Variants in GRID1 observed in about 807,000 individuals in gnomAD.
GRID1 encodes glutamate receptor ionotropic, delta-1.
A neutral mutation model predicts 98.0 loss-of-function variants in GRID1; 28 were observed. That is an observed-to-expected ratio of 0.29 (90% CI 0.21 to 0.39). The LOEUF is 0.39. Ranked by LOEUF, GRID1 falls within the 10% of genes least tolerant of loss-of-function variation. The pLI is 1.00. For synonymous variants in GRID1, 553 were observed against 538.5 expected, an observed-to-expected ratio of 1.03 and a Z score of -0.37; for missense variants, 1,111 against 1,340.5, an observed-to-expected ratio of 0.83 and a Z score of 2.67.
In GRID1 at chr10:86,357,329, G is replaced by A. The variant is rs73342277; in HGVS notation, c.235+6612C>T. On this transcript the variant is annotated intron_variant, in intron 2 of 15. Coordinates refer to ENST00000327946, the MANE Select transcript of GRID1 (RefSeq NM_017551.3). ...GGACAGTATCCCAGAGGAAGGGGCT[G>A]TCACAGGCCAGCCCAGGACTAGGAA... 1.0e-2 allele frequency among the ~76,000 whole-genome samples: 1,521 copies of A among 152,332 alleles called. 28 individuals are homozygous for A. The highest frequency in any genetic ancestry group is 0.035 in the African/African-American group (1,457 of 41,574).
At chr10:85,930,980 C>A (rs906884769) in intron 4 of GRID1, among the ~76,000 whole-genome samples, 7 of 152,140 alleles carry the variant, frequency 4.6e-5, no homozygotes, top group African/African-American at 1.7e-4. Context: ...GCTGAGATTA[C>A]AGGTGTATAA....
At chr10:86,044,579 C>T (rs1366286770) in intron 4 of GRID1, among the ~76,000 whole-genome samples, 1 of 152,166 alleles carries the variant, frequency 6.6e-6, no homozygotes, top group East Asian at 1.9e-4. Context: ...GACCTCACCT[C>T]CCCTAAAAAC....
At chr10:86,331,873 T>C (rs1459120566) in intron 2 of GRID1, among the ~76,000 whole-genome samples, 1 of 152,094 alleles carries the variant, frequency 6.6e-6, no homozygotes, top group African/African-American at 2.4e-5. Context: ...ATCCAGCCGC[T>C]GTCTCTGCCA....
At chr10:86,116,950 C>T (rs111930599) in intron 4 of GRID1, among the ~76,000 whole-genome samples, 7 of 152,200 alleles carry the variant, frequency 4.6e-5, no homozygotes, top group African/African-American at 1.7e-4. Flanking sequence ...TATACCACCA[C>T]CATCACTGCA....
chr10:86,342,807 G>A (rs541669052), intron 2 of GRID1, among the ~76,000 whole-genome samples: 8 of 152,348 alleles, frequency 5.3e-5, no homozygotes, highest in African/African-American at 1.7e-4. Context: ...GCCCCGGCCC[G>A]ACAGCCCATT....
chr10:86,206,429 A>T lies in GRID1; in HGVS notation c.455T>A (p.Val152Asp). Residue 152 changes from valine (V) to aspartate (D), a missense_variant, in exon 3 of 16, where the codon GTC becomes GAC. Val to Asp is a radical substitution (Grantham distance 152). Around this residue, in one of 3 missense-constraint regions of GRID1, gnomAD observed 346 missense variants for 452.3 expected, o/e 0.76. Transcript: ENST00000327946. The surrounding 1 kb of genome is among the most constrained non-coding windows in gnomAD (Gnocchi z 4.1). ...ASRPPVRLND[V>D]MLRLVTELRW... ...CAGCTCCGTCACCAGCCTGAGCATG[A>T]CATCATTGAGGCGGACGGGTGGTCT... The T allele has an allele frequency of 6.2e-7, 1 of 1,613,740 alleles. No homozygotes were observed. The highest frequency in any genetic ancestry group is 8.5e-7 in the Non-Finnish European group (1 of 1,179,658).
At chr10:86,189,204 C>T (rs1845767247) in intron 3 of GRID1, among the ~76,000 whole-genome samples, 1 of 152,168 alleles carries the variant, frequency 6.6e-6, no homozygotes, top group Admixed American at 6.5e-5. Context: ...GACTCACTGT[C>T]ATTCCTTTCA....
chr10:85,963,630 T>C (rs1322675458), intron 4 of GRID1, among the ~76,000 whole-genome samples: 1 of 152,244 alleles, frequency 6.6e-6, no homozygotes, highest in Non-Finnish European at 1.5e-5. Context: ...GGTTATTTCA[T>C]GTCCATATGT....
intron 13 of GRID1, among the ~76,000 whole-genome samples, chr10:85,635,728 G>A (rs1421333987): frequency 6.6e-6 from 1 of 152,188 alleles, no homozygotes; most frequent in Non-Finnish European, 1.5e-5. Context: ...GCTGCACTCT[G>A]GGATGCACTG....
intron 14 of GRID1, among the ~76,000 whole-genome samples, chr10:85,615,160 T>A (rs1590160016): frequency 6.6e-6 from 1 of 152,064 alleles, no homozygotes; most frequent in East Asian, 1.9e-4. Flanking sequence ...TTGTGTCTGG[T>A]GGAGACAAGA....
intron 4 of GRID1, among the ~76,000 whole-genome samples, chr10:85,921,019 G>A (rs1409479247): frequency 6.6e-6 from 1 of 152,238 alleles, no homozygotes; most frequent in African/African-American, 2.4e-5. Flanking sequence ...CCTGGCTCCT[G>A]TGGCCATGAT....
intron 5 of GRID1, among the ~76,000 whole-genome samples, chr10:85,907,091 C>G (rs1432377022): frequency 1.3e-5 from 2 of 152,150 alleles, no homozygotes; most frequent in Non-Finnish European, 2.9e-5. Context: ...TTATGAACTT[C>G]ATACCTATAA....
At chr10:86,273,371 A>C (rs1847215446) in intron 2 of GRID1, among the ~76,000 whole-genome samples, 1 of 126,938 alleles carries the variant, frequency 7.9e-6, no homozygotes, top group African/African-American at 2.6e-5. Context: ...TGCAATAAAC[A>C]TACGTCTGCA....
At chr10:85,925,232 G>A (rs905902116) in intron 4 of GRID1, among the ~76,000 whole-genome samples, 2 of 152,176 alleles carry the variant, frequency 1.3e-5, no homozygotes, top group Non-Finnish European at 2.9e-5. Flanking sequence ...GTTCTTACAG[G>A]CATTCAGGCT....
At chr10:85,947,415 C>T (rs545558024) in intron 4 of GRID1, among the ~76,000 whole-genome samples, 5 of 152,262 alleles carry the variant, frequency 3.3e-5, no homozygotes, top group African/African-American at 4.8e-5. Context: ...GGATAACTTT[C>T]GTATCTCAGA....
intron 4 of GRID1, among the ~76,000 whole-genome samples, chr10:86,107,838 C>G (rs186626183): frequency 6.6e-6 from 1 of 152,240 alleles, no homozygotes; most frequent in African/African-American, 2.4e-5. Flanking sequence ...AGAGGAGAAC[C>G]CAGGCTGCCA....
intron 8 of GRID1, among the ~76,000 whole-genome samples, chr10:85,770,387 C>G (rs930505288): frequency 1.1e-4 from 16 of 152,074 alleles, no homozygotes; most frequent in Non-Finnish European, 1.9e-4. Flanking sequence ...AAAAAAAGAG[C>G]AGAAAAACTG....
chr10:86,140,561 A>G (rs1844996567), intron 3 of GRID1, among the ~76,000 whole-genome samples: 1 of 152,226 alleles, frequency 6.6e-6, no homozygotes, highest in African/African-American at 2.4e-5. Context: ...ATGGGGAACC[A>G]AGCAGCGCGA....
intron 2 of GRID1, among the ~76,000 whole-genome samples, chr10:86,305,234 C>A (rs1162940378): frequency 6.6e-6 from 1 of 152,114 alleles, no homozygotes; most frequent in Non-Finnish European, 1.5e-5. Flanking sequence ...TCGCACTTTG[C>A]CAGAGCCTAC....
Sources: allele counts gnomAD v4.1 joint callset (sites outside exome capture counted in the v4.1 genomes callset), GRCh38; gene constraint gnomAD v4.1.1; regional missense constraint gnomAD v4.1.1; non-coding constraint Gnocchi (gnomAD v3.1); transcripts MANE v1.5; gene names NCBI Gene and HGNC (gene_info 2026-07-23, HGNC 2026-07-21).